The following AUTS2 variants were observed in gnomAD, a reference collection of about 807,000 sequenced individuals.
The protein encoded by AUTS2 is activator of transcription and developmental regulator AUTS2.
Under a neutral mutation model 112.4 loss-of-function variants are expected in AUTS2, and 17 were observed. That is an observed-to-expected ratio of 0.15 (90% confidence interval 0.10 to 0.23). The LOEUF is 0.23. Among genes scored for constraint, AUTS2 ranks in the 10% least tolerant of loss-of-function variants. The pLI is 1.00. For synonymous variants in AUTS2, 751 were observed against 702.7 expected (o/e 1.07, Z -1.09); for missense variants, 1,510 against 1,701.6 (o/e 0.89, Z 1.98).
At chr7:70,043,304 T>C (rs1038029751) in intron 2 of AUTS2, among the ~76,000 whole-genome samples, 3 of 152,286 alleles carry the variant, frequency 2.0e-5, no homozygotes, top group East Asian at 1.9e-4. Flanking sequence ...GTAAGACTTA[T>C]CTCTGTGAGC....
At chr7:70,435,123 G>T (rs1795836332) in intron 4 of AUTS2, among the ~76,000 whole-genome samples, 1 of 152,060 alleles carries the variant, frequency 6.6e-6, no homozygotes, top group South Asian at 2.1e-4. Context: ...TTACTACCCT[G>T]ACCTCTTGTC....
At chr7:70,168,479 C>A (rs527844376) in intron 4 of AUTS2, among the ~76,000 whole-genome samples, 6 of 152,226 alleles carry the variant, frequency 3.9e-5, no homozygotes, top group Admixed American at 2.0e-4. Context: ...CCACACCTGG[C>A]TAATTTTTGT....
At chr7:70,415,120 C>G (rs772020365) in intron 4 of AUTS2, among the ~76,000 whole-genome samples, 1 of 152,218 alleles carries the variant, frequency 6.6e-6, no homozygotes, top group Non-Finnish European at 1.5e-5. Context: ...TGCCAATTCT[C>G]AAAGAGCCCC....
chr7:70,351,612 C>T (rs1791768211), intron 4 of AUTS2, among the ~76,000 whole-genome samples: 1 of 152,174 alleles, frequency 6.6e-6, no homozygotes, highest in African/African-American at 2.4e-5. Context: ...TTCACAATAG[C>T]TATACCAACT....
At chr7:70,040,241 C>T (rs901535311) in intron 2 of AUTS2, among the ~76,000 whole-genome samples, 4 of 152,056 alleles carry the variant, frequency 2.6e-5, no homozygotes, top group African/African-American at 9.7e-5. Context: ...TAGACTCATC[C>T]ATTGTAACTA....
intron 5 of AUTS2, among the ~76,000 whole-genome samples, chr7:70,478,743 G>GTTTT (rs11402312): frequency 7.2e-6 from 1 of 138,774 alleles, no homozygotes. Context: ...TTCAAGACTT[G>GTTTT]TTTTTTTTTT....
At chr7:69,667,518 G>T (rs1182844432) in intron 1 of AUTS2, among the ~76,000 whole-genome samples, 2 of 151,876 alleles carry the variant, frequency 1.3e-5, no homozygotes, top group Non-Finnish European at 2.9e-5. Context: ...ACCACACCTG[G>T]CTCATTTTTG....
intron 17 of AUTS2, 102 bp from the exon 18 acceptor site, chr7:70,787,107 T>C: frequency 9.5e-7 from 1 of 1,054,848 alleles, no homozygotes; most frequent in East Asian, 2.6e-5. Flanking sequence ...ATGTATTCAT[T>C]TTAACTCTGA....
rs1034815919 is a variant in AUTS2, at chr7:70,343,189, A to G, written c.661-92563A>G. The stretch of plus-strand genomic sequence containing the variant: ...TTTGACAAATATTTTAGCTTTGCTT[A>G]TGATATTCACTTGCTCTGTCAGAAC... On this transcript the variant is annotated intron_variant, in intron 4 of 18. Coordinates refer to ENST00000342771, the MANE Select transcript of AUTS2 (RefSeq NM_015570.4). Among the ~76,000 whole-genome samples the G allele has an allele frequency of 4.6e-5, 7 of 151,540 alleles. No individual in the cohort carries two copies. In the East Asian group the frequency reaches 6.3e-4, roughly 14 times the overall value.
intron 1 of AUTS2, among the ~76,000 whole-genome samples, chr7:69,673,308 A>G (rs893229087): frequency 3.9e-5 from 6 of 152,320 alleles, no homozygotes; most frequent in Non-Finnish European, 4.4e-5. Context: ...AAGTAAAGAA[A>G]GAGAATGACA....
chr7:69,917,454 A>C (rs1464639978), intron 2 of AUTS2, among the ~76,000 whole-genome samples: 1 of 145,944 alleles, frequency 6.9e-6, no homozygotes, highest in Non-Finnish European at 1.5e-5. Flanking sequence ...CTACTAAATC[A>C]GAAATGGACT....
rs748540277 is a variant in AUTS2 at position 69,689,852 on chromosome 7, A to AT, written c.309+89905dup. Among the ~76,000 whole-genome samples the AT allele has an allele frequency of 3.0e-3, 348 of 116,120 alleles. 2 individuals carry two copies. Among genetic ancestry groups the AT allele is most frequent in the South Asian group, 0.013 (47 of 3,634 alleles). The allele number at this position is 116,120 out of a possible 152,430, so 76.2% of individuals were successfully genotyped here. A position where few individuals can be genotyped will look rare whatever the true frequency, so the allele number is the denominator to read the frequency against. ...GCCACCATGCCCGGCTTAATTTTGT[A>AT]TTTTTTTTTTTTTTTCAGTAGAGAT... On this transcript the variant is annotated intron_variant, in intron 1 of 18. Coordinates refer to ENST00000342771, the MANE Select transcript of AUTS2 (RefSeq NM_015570.4).
At chr7:70,100,429 ATTT>A (rs59053495) in intron 2 of AUTS2, among the ~76,000 whole-genome samples, 31 of 145,596 alleles carry the variant, frequency 2.1e-4, no homozygotes, top group African/African-American at 7.5e-4. Context: ...CGGTTGTACC[ATTT>A]TTTTTTTTTT....
intron 4 of AUTS2, among the ~76,000 whole-genome samples, chr7:70,283,489 T>C (rs1788316368): frequency 6.6e-6 from 1 of 152,174 alleles, no homozygotes; most frequent in African/African-American, 2.4e-5. Context: ...GATGTAAATA[T>C]ACTTTAAAAT....
At chr7:70,351,674 A>G (rs879817211) in intron 4 of AUTS2, among the ~76,000 whole-genome samples, 3 of 152,044 alleles carry the variant, frequency 2.0e-5, no homozygotes, top group Admixed American at 1.3e-4. Flanking sequence ...ACCTTACCAC[A>G]TAAGTGTTGA....
chr7:70,420,990 C>T (rs1300094711), intron 4 of AUTS2, among the ~76,000 whole-genome samples: 1 of 152,196 alleles, frequency 6.6e-6, no homozygotes, highest in East Asian at 1.9e-4. Context: ...CCATGGCTCA[C>T]TCTGTGCTAG....
At chr7:70,625,020 C>G (rs1216715539) in intron 5 of AUTS2, among the ~76,000 whole-genome samples, 2 of 152,068 alleles carry the variant, frequency 1.3e-5, no homozygotes, top group East Asian at 3.9e-4. Context: ...CCTGGCTCAT[C>G]ACTGAGGTTG....
At chr7:69,830,750 A>G (rs1210486540) in intron 1 of AUTS2, among the ~76,000 whole-genome samples, 1 of 152,242 alleles carries the variant, frequency 6.6e-6, no homozygotes, top group Non-Finnish European at 1.5e-5. Context: ...AAAATTAGCC[A>G]GACACTTAAA....
intron 4 of AUTS2, among the ~76,000 whole-genome samples, chr7:70,238,200 GC>G (rs1562811213): frequency 6.6e-6 from 1 of 152,158 alleles, no homozygotes; most frequent in Non-Finnish European, 1.5e-5. Context: ...CTCGAGTGCT[GC>G]TTGCTGTCTT....
Sources: gnomAD v4.1 joint callset for allele counts (sites outside exome capture counted in the v4.1 genomes callset) on GRCh38, gnomAD v4.1.1 for gene constraint, MANE v1.5 for transcripts, NCBI Gene and HGNC (gene_info 2026-07-23, HGNC 2026-07-21) for gene names.